Variants in ZNF688 observed in about 807,000 individuals in gnomAD.
ZNF688 encodes the protein zinc finger protein 688.
A neutral mutation model predicts 13.2 loss-of-function variants in ZNF688; 10 were observed. That is an observed-to-expected ratio of 0.76 (90% CI 0.47 to 1.28). The LOEUF (loss-of-function observed/expected upper bound fraction) is 1.28, where lower values mean the gene tolerates loss of function less well. ZNF688 is among the 50% of genes most tolerant of loss of function. ZNF688 has a pLI of 0.00. For missense variants in ZNF688, 381 were observed against 391.4 expected, an observed-to-expected ratio of 0.97 and a Z score of 0.22; for synonymous variants, 160 against 159.4, an observed-to-expected ratio of 1.00 and a Z score of -0.03.
Position 30,571,043 on chromosome 16 carries a change from C to G in ZNF688, c.277G>C (p.Glu93Gln). The G allele has an allele frequency of 2.5e-6, 4 of 1,612,802 alleles. No homozygotes were observed. The highest frequency in any genetic ancestry group is 2.5e-6 in the Non-Finnish European group (3 of 1,179,506). ...EAWSPAAQDP[E>Q]KGERLGGARR... ...GCTCCTCCCAGTCTTTCCCCCTTCT[C>G]AGGATCCTGGGCGGCGGGGCTCCAA... Residue 93 changes from glutamate to glutamine, a missense_variant, in exon 2 of 3, where the codon GAG (glutamate) becomes CAG (glutamine). Coordinates refer to ENST00000223459, the MANE Select transcript of ZNF688 (RefSeq NM_145271.4).
In ZNF688 at chr16:30,571,616, G is replaced by C. The variant is rs759481508; in HGVS notation, c.14C>G (p.Pro5Arg). 816 of 1,486,176 alleles carry C rather than the reference G, an allele frequency of 5.5e-4. No individual in the cohort carries two copies. Among genetic ancestry groups the C allele is most frequent in the Non-Finnish European group, 6.8e-4 (768 of 1,121,208 alleles). The allele number at this position is 1,486,176 out of a possible 1,614,324, so 92.1% of individuals were successfully genotyped here. A position where few individuals can be genotyped will look rare whatever the true frequency, so the allele number is the denominator to read the frequency against. MAPP[P>R]APLLAPRPGE... ...GGGCCTCGGCGCCAGGAGCGGGGCT[G>C]GGGGCGGCGCCATGGGGCCTCGCAG... Residue 5 changes from proline (P) to arginine (R), a missense_variant, in exon 1 of 3, where the codon CCA (proline) becomes CGA (arginine). Transcript: ENST00000223459.
At position 30,570,056 on chromosome 16, in the gene ZNF688, A is replaced by T; in HGVS notation, c.691T>A (p.Trp231Arg). The T allele has an allele frequency of 6.2e-7, 1 of 1,610,868 alleles. No homozygotes were observed. Among genetic ancestry groups the T allele is most frequent in the Non-Finnish European group, 8.5e-7 (1 of 1,179,206 alleles). ...CCCCCGGAGCAGGAGCGGTGGATCC[A>T]CTGGTGCGCTTCCACTGCGAACTTC... ...KRKFAVEAHQ[W>R]IHRSCSGGRR... Residue 231 changes from tryptophan to arginine, a missense_variant, in exon 3 of 3, where the codon TGG becomes AGG. Physicochemically the swap from Trp to Arg is moderately radical, Grantham distance 101. Transcript: ENST00000223459.
chr16:30,571,293 C>G (rs1162058024), intron 1 of ZNF688, 141 bp downstream of exon 1: 6 of 1,537,692 alleles, frequency 3.9e-6, no homozygotes, highest in Non-Finnish European at 5.2e-6. Flanking sequence ...GAGGGGGTAC[C>G]TGAAGCCCTG....
Position 30,571,122 on chromosome 16 carries a change from T to C in ZNF688, c.198A>G (p.Gly66=). 1 of 1,574,272 alleles carries C rather than the reference T, an allele frequency of 6.4e-7. No homozygotes were observed. Among genetic ancestry groups the C allele is most frequent in the South Asian group, 1.1e-5 (1 of 87,602 alleles). Residue 66 remains glycine, a splice_region_variant and synonymous_variant, in exon 2 of 3, where the codon GGA becomes GGG. Transcript: ENST00000223459. The part of the protein sequence containing the change: ...QETYGHLGAL[G]FPGPKPALIS... ...TGAGGGCTGGTTTGGGGCCTGGGAA[T>C]CCTGGGAGAGAACAGGGATCACAGC...
chr16:30,570,585 C>T, intron 2 of ZNF688, 149 bp from the exon 3 acceptor site: 1 of 959,798 alleles, frequency 1.0e-6, no homozygotes. Context: ...ATTCAGATCT[C>T]CTAAAAGTGC....
Position 30,570,104 on chromosome 16 carries a change from C to G in ZNF688, c.643G>C (p.Glu215Gln), listed in dbSNP as rs1041737232. ...HSGERPFPCP[E>Q]CGMRFKRKFA... ...TTCCTCTTGAAGCGCATGCCACACT[C>G]GGGGCAGGGGAAAGGCCGCTCCCCC... The change falls in exon 3 of 3, where the codon GAG (glutamate) becomes CAG (glutamine). Residue 215 changes from glutamate (E) to glutamine (Q), a missense_variant. Coordinates refer to ENST00000223459, the MANE Select transcript of ZNF688 (RefSeq NM_145271.4). 1 of 1,611,390 alleles carries G rather than the reference C, an allele frequency of 6.2e-7. No individual in the cohort carries two copies. Among genetic ancestry groups the G allele is most frequent in the Non-Finnish European group, 8.5e-7 (1 of 1,179,024 alleles).
upstream of ZNF688, chr16:30,571,847 C>G (rs2051691842): frequency 7.8e-7 from 1 of 1,288,690 alleles, no homozygotes; most frequent in Non-Finnish European, 9.8e-7. Flanking sequence ...ACTTCATGGC[C>G]GCTTGGACAT....
intron 1 of ZNF688, 144 bp downstream of exon 1, chr16:30,571,290 T>C (rs1454710215): frequency 6.5e-7 from 1 of 1,537,514 alleles, no homozygotes; most frequent in South Asian, 1.2e-5. Flanking sequence ...CCCGAGGGGG[T>C]ACCTGAAGCC....
In ZNF688 at chr16:30,569,855, C is replaced by A; in HGVS notation, c.*61G>T. ...CCGGAGTCCCCGACTCAGTGGCCCACCTCAGGGATCCGTCAGTCCTTCGTG... is the reference window on the plus strand; with the variant it reads ...CCGGAGTCCCCGACTCAGTGGCCCAACTCAGGGATCCGTCAGTCCTTCGTG... On this transcript the variant is annotated 3_prime_UTR_variant, in exon 3 of 3. Coordinates refer to ENST00000223459, the MANE Select transcript of ZNF688 (RefSeq NM_145271.4). 3 of 1,492,598 alleles carry A rather than the reference C, an allele frequency of 2.0e-6. No individual in the cohort carries two copies. In the Admixed American group the frequency reaches 7.1e-5, roughly 35 times the overall value. 92.5% of individuals were successfully genotyped at this position (1,492,598 alleles called of 1,614,324 possible).
chr16:30,570,963 A>G (rs2051668155), intron 2 of ZNF688, 47 bp downstream of exon 2: 1 of 1,596,112 alleles, frequency 6.3e-7, no homozygotes, highest in Non-Finnish European at 8.6e-7. Flanking sequence ...TCTGCTAGAC[A>G]GGAAGCCCTG....
chr16:30,571,263 A>T (rs1260704192), intron 1 of ZNF688, 140 bp from the exon 2 acceptor site: 1 of 1,538,552 alleles, frequency 6.5e-7, no homozygotes, highest in Admixed American at 2.0e-5. Flanking sequence ...AATGAAATGG[A>T]TGCGGGTGAA....
At chr16:30,571,844 G>A (rs1205704814), upstream of ZNF688, 1 of 1,293,048 alleles carries the variant, frequency 7.7e-7, no homozygotes. Context: ...TTCACTTCAT[G>A]GCCGCTTGGA....
chr16:30,570,057 C>G lies in ZNF688; in HGVS notation c.690G>C (p.Gln230His). ...FKRKFAVEAH[Q>H]WIHRSCSGGR... ...CCCCGGAGCAGGAGCGGTGGATCCA[C>G]TGGTGCGCTTCCACTGCGAACTTCC... The change falls in exon 3 of 3, where the codon CAG becomes CAC. Residue 230 changes from glutamine (Q) to histidine (H), a missense_variant. By Grantham distance (24) the Gln-to-His change is conservative. Transcript: ENST00000223459. 6.2e-7 allele frequency: 1 copy of G among 1,610,974 alleles called. No homozygotes were observed. Among genetic ancestry groups the G allele is most frequent in the Non-Finnish European group, 8.5e-7 (1 of 1,179,258 alleles).
At chr16:30,573,774 C>T (rs919069668), upstream of ZNF688, 4 of 249,658 alleles carry the variant, frequency 1.6e-5, no homozygotes, top group African/African-American at 4.7e-5. Flanking sequence ...CTGCTGATCT[C>T]ATATGCATAT....
rs762165616 is a variant in ZNF688 at position 30,570,106 on chromosome 16, G to A, written c.641C>T (p.Pro214Leu). 7 of 1,611,406 alleles carry A rather than the reference G, an allele frequency of 4.3e-6. No homozygotes were observed. The highest frequency in any genetic ancestry group is 1.3e-5 in the African/African-American group (1 of 74,892). ...MHSGERPFPC[P>L]ECGMRFKRKF... is the part of the protein sequence containing the mutation. ...CCTCTTGAAGCGCATGCCACACTCGGGGCAGGGGAAAGGCCGCTCCCCCGA... is the reference window on the plus strand; with the variant it reads ...CCTCTTGAAGCGCATGCCACACTCGAGGCAGGGGAAAGGCCGCTCCCCCGA... Residue 214 changes from proline (P) to leucine (L), a missense_variant, in exon 3 of 3, where the codon CCC (proline) becomes CTC (leucine). By Grantham distance (98) the Pro-to-Leu change is moderately conservative (BLOSUM62 -3). Coordinates refer to ENST00000223459, the MANE Select transcript of ZNF688 (RefSeq NM_145271.4).
rs959085282 is a variant in ZNF688 at position 30,570,012 on chromosome 16, A to G, written c.735T>C (p.Pro245=). The G allele has an allele frequency of 1.2e-6, 2 of 1,610,930 alleles. No homozygotes were observed. Among genetic ancestry groups the G allele is most frequent in the Non-Finnish European group, 1.7e-6 (2 of 1,179,312 alleles). The part of the protein sequence containing the change: ...SCSGGRRGRR[P]GIRAVPRAPV... Reference sequence around the variant, plus strand: ...GGGCCCGAGGCACAGCCCGGATCCCAGGCCTCCGGCCCCGCCGCCCCCCGG... The same window carrying G: ...GGGCCCGAGGCACAGCCCGGATCCCGGGCCTCCGGCCCCGCCGCCCCCCGG... Residue 245 remains proline, a synonymous_variant, in exon 3 of 3, where the codon CCT becomes CCC. Coordinates refer to ENST00000223459, the MANE Select transcript of ZNF688 (RefSeq NM_145271.4).
Position 30,571,492 on chromosome 16 carries a change from C to A in ZNF688, c.138G>T (p.Ala46=), listed in dbSNP as rs776956682. Reference sequence around the variant, plus strand: ...TCACGTCCCGGTACAGAGCCCTCTGCGCGGGCCGCAGACAGCCCCACTCCT... The same window carrying A: ...TCACGTCCCGGTACAGAGCCCTCTGAGCGGGCCGCAGACAGCCCCACTCCT... ...SPEEWGCLRP[A]QRALYRDVMQ... is the part of the protein sequence containing the mutation. The change falls in exon 1 of 3, where the codon GCG becomes GCT. Residue 46 remains alanine, a synonymous_variant. Coordinates refer to ENST00000223459, the MANE Select transcript of ZNF688 (RefSeq NM_145271.4). 6.3e-7 allele frequency: 1 copy of A among 1,590,526 alleles called. No individual in the cohort carries two copies. The highest frequency in any genetic ancestry group is 8.5e-7 in the Non-Finnish European group (1 of 1,169,616).
intron 2 of ZNF688, chr16:30,570,659 G>GACATCACAAAATAATGGCTTTTGAC: frequency 1.9e-6 from 1 of 536,282 alleles, no homozygotes; most frequent in East Asian, 3.1e-5. Context: ...ACTTCACAGC[G>GACATCACAAAATAATGGCTTTTGAC]TTACTGGTTT....
chr16:30,576,431 C>T (rs937156878), upstream of ZNF688, among the ~76,000 whole-genome samples: 5 of 152,076 alleles, frequency 3.3e-5, no homozygotes, highest in African/African-American at 7.2e-5. Context: ...AGGATGATCT[C>T]GATCTCCTGA....
Sources: gnomAD v4.1 joint callset for allele counts (sites outside exome capture counted in the v4.1 genomes callset) on GRCh38, gnomAD v4.1.1 for gene constraint, MANE v1.5 for transcripts, NCBI Gene and HGNC (gene_info 2026-07-23, HGNC 2026-07-21) for gene names.